Variants in PLSCR3 observed in about 807,000 individuals in gnomAD.
PLSCR3 encodes the protein phospholipid scramblase 3, also known as PL scramblase 3.
A neutral mutation model predicts 33.7 loss-of-function variants in PLSCR3; 17 were observed. The ratio of observed to expected loss-of-function variants is 0.50; its 90% CI spans 0.35 to 0.76. The LOEUF (loss-of-function observed/expected upper bound fraction) is 0.76. PLSCR3 is among the 30% of genes least tolerant of loss of function. PLSCR3 has a pLI of 0.01. For synonymous variants in PLSCR3, 166 were observed against 166.0 expected (o/e 1.00, Z 0.00); for missense variants, 360 against 394.1 (o/e 0.91, Z 0.73).
Position 7,392,854 on chromosome 17 carries a change from C to G in PLSCR3, c.606G>C (p.Gln202His). ...AGGGCCCCACCACTCGCAAGACTGT[C>G]TGGCGATCGGCATCCTGGATGGAGA... ...PKFSIQDADR[Q>H]TVLRVVGPCW... is the part of the protein sequence containing the mutation. The change falls in exon 6 of 8, where the codon CAG becomes CAC. Residue 202 changes from glutamine (Q) to histidine (H), a missense_variant. By Grantham distance (24) the Gln-to-His change is conservative. Coordinates refer to ENST00000619711, the MANE Select transcript of PLSCR3 (RefSeq NM_020360.4). 1 of 1,614,114 alleles carries G rather than the reference C, an allele frequency of 6.2e-7. No individual in the cohort carries two copies. Among genetic ancestry groups the G allele is most frequent in the Non-Finnish European group, 8.5e-7 (1 of 1,180,022 alleles).
In PLSCR3 at chr17:7,394,489, G is replaced by C; in HGVS notation, c.-170C>G. On this transcript the variant is annotated 5_prime_UTR_variant, in exon 1 of 8. Transcript: ENST00000619711. This position sits in a 1 kb window ranked among gnomAD's most constrained non-coding sequence, Gnocchi z 5.3. Reference sequence around the variant, plus strand: ...TGCCCCCGCTCACCTGGAGCCCCCAGAAGAGCCCGGGTGCCTAGCACTCGG... The same window carrying C: ...TGCCCCCGCTCACCTGGAGCCCCCACAAGAGCCCGGGTGCCTAGCACTCGG... 1 of 189,284 alleles carries C rather than the reference G, an allele frequency of 5.3e-6. No individual in the cohort carries two copies. Among genetic ancestry groups the C allele is most frequent in the Non-Finnish European group, 1.1e-5 (1 of 92,054 alleles). 11.7% of individuals were successfully genotyped at this position (189,284 alleles called of 1,614,324 possible).
chr17:7,390,170 G>A lies in PLSCR3; in HGVS notation c.*215C>T. ...ATGCCTGTGTGCCGAGGGACTGCTG[G>A]GACAGTGGTGGGAGGTAGCAGGAGA... On this transcript the variant is annotated 3_prime_UTR_variant, in exon 8 of 8. Coordinates refer to ENST00000619711, the MANE Select transcript of PLSCR3 (RefSeq NM_020360.4). 1 of 519,254 alleles carries A rather than the reference G, an allele frequency of 1.9e-6. No individual in the cohort carries two copies. The highest frequency in any genetic ancestry group is 3.4e-6 in the Non-Finnish European group (1 of 291,504). 32.2% of individuals were successfully genotyped at this position (519,254 alleles called of 1,614,324 possible). A position where few individuals can be genotyped will look rare whatever the true frequency, so the allele number is the denominator to read the frequency against.
At chr17:7,392,371 C>T (rs2143210160) in intron 6 of PLSCR3, among the ~76,000 whole-genome samples, 1 of 152,260 alleles carries the variant, frequency 6.6e-6, no homozygotes, top group East Asian at 1.9e-4. Flanking sequence ...TTCGGAATGG[C>T]AGGGGCATTT....
rs573924933 is a variant in PLSCR3, at chr17:7,391,002, C to T, written c.670-207G>A. ...GGGGAAACTGAGGCACTCTAGATCA[C>T]GCTGAGTCTATACCCAAAATTAGGA... On this transcript the variant is annotated intron_variant, in intron 6 of 7. Coordinates refer to ENST00000619711, the MANE Select transcript of PLSCR3 (RefSeq NM_020360.4). This position sits in a 1 kb window ranked among gnomAD's most constrained non-coding sequence, Gnocchi z 4.1. Among the ~76,000 whole-genome samples, 12 of 152,282 alleles carry T rather than the reference C, an allele frequency of 7.9e-5. No homozygotes were observed. Among genetic ancestry groups the T allele is most frequent in the South Asian group, 2.1e-4 (1 of 4,830 alleles).
rs769844028 is a variant in PLSCR3, at chr17:7,393,651, G to A, written c.193C>T (p.Pro65Ser). The A allele has an allele frequency of 2.5e-6, 4 of 1,609,358 alleles. No homozygotes were observed. Among genetic ancestry groups the A allele is most frequent in the Admixed American group, 3.3e-5 (2 of 59,784 alleles). ...PGPVALGSAA[P>S]FLPLPGVPSG... The stretch of plus-strand genomic sequence containing the variant: ...GGCACCCCTGGCAGTGGCAAGAAGG[G>A]GGCAGCAGACCCCAAGGCCACGGGG... Residue 65 changes from proline (P) to serine (S), a missense_variant, in exon 3 of 8, where the codon CCC (proline) becomes TCC (serine). By Grantham distance (74) the Pro-to-Ser change is moderately conservative. Transcript: ENST00000619711.
In PLSCR3 at chr17:7,391,116, C is replaced by T. The variant is rs369544323; in HGVS notation, c.670-321G>A. 9.9e-5 allele frequency among the ~76,000 whole-genome samples: 15 copies of T among 152,160 alleles called. No individual in the cohort carries two copies. Among genetic ancestry groups the T allele is most frequent in the Admixed American group, 5.9e-4 (9 of 15,272 alleles). ...AGAAATGGAAGCATGACAATCCAAC[C>T]CCCTTAGGGTATGGCTGTTTGCTAG... On this transcript the variant is annotated intron_variant, in intron 6 of 7. Coordinates refer to ENST00000619711, the MANE Select transcript of PLSCR3 (RefSeq NM_020360.4). This position sits in a 1 kb window ranked among gnomAD's most constrained non-coding sequence, Gnocchi z 4.1.
At position 7,393,834 on chromosome 17, in the gene PLSCR3, A is replaced by T; in HGVS notation, c.10T>A (p.Tyr4Asn). MAGYLPPKGYAPSP... is the reference protein window; with the variant it reads MAGNLPPKGYAPSP... ...GGGGCGTAGCCTTTGGGGGGCAAGT[A>T]GCCTGTAAAGCGGTGGGAGCAGGAT... Residue 4 changes from tyrosine (Y) to asparagine (N), a missense_variant and splice_region_variant, in exon 3 of 8, where the codon TAC (tyrosine) becomes AAC (asparagine). Coordinates refer to ENST00000619711, the MANE Select transcript of PLSCR3 (RefSeq NM_020360.4). 6.8e-7 allele frequency: 1 copy of T among 1,474,754 alleles called. No homozygotes were observed. The highest frequency in any genetic ancestry group is 9.1e-7 in the Non-Finnish European group (1 of 1,102,276). 91.4% of individuals were successfully genotyped at this position (1,474,754 alleles called of 1,614,324 possible). A position where few individuals can be genotyped will look rare whatever the true frequency, so the allele number is the denominator to read the frequency against.
chr17:7,394,367 C>A lies in PLSCR3; in HGVS notation c.-157-100G>T, dbSNP rs1258580191. Reference sequence around the variant, plus strand: ...AGAACCGCCCCCTCCCTTTGTTCTCCCATCCTGCGGAGGAGGCTGTGGGCC... The same window carrying A: ...AGAACCGCCCCCTCCCTTTGTTCTCACATCCTGCGGAGGAGGCTGTGGGCC... On this transcript the variant is annotated intron_variant, in intron 1 of 7. Coordinates refer to ENST00000619711, the MANE Select transcript of PLSCR3 (RefSeq NM_020360.4). This position sits in a 1 kb window ranked among gnomAD's most constrained non-coding sequence, Gnocchi z 5.3. 4.1e-6 allele frequency: 2 copies of A among 483,048 alleles called. No homozygotes were observed. The highest frequency in any genetic ancestry group is 7.5e-6 in the Non-Finnish European group (2 of 268,000). 29.9% of individuals were successfully genotyped at this position (483,048 alleles called of 1,614,324 possible). A position where few individuals can be genotyped will look rare whatever the true frequency, so the allele number is the denominator to read the frequency against.
chr17:7,391,051 C>T lies in PLSCR3; in HGVS notation c.670-256G>A, dbSNP rs945557896. Among the ~76,000 whole-genome samples, 1 of 152,042 alleles carries T rather than the reference C, an allele frequency of 6.6e-6. No individual in the cohort carries two copies. The highest frequency in any genetic ancestry group is 2.4e-5 in the African/African-American group (1 of 41,382). ...GATTCAGACTCAGATCTGCTGCTAT[C>T]GAAAGGCGACGCATGACATAACTGA... is the stretch of plus-strand genomic sequence containing the variant. On this transcript the variant is annotated intron_variant, in intron 6 of 7. Coordinates refer to ENST00000619711, the MANE Select transcript of PLSCR3 (RefSeq NM_020360.4). This position sits in a 1 kb window ranked among gnomAD's most constrained non-coding sequence, Gnocchi z 4.1.
At chr17:7,393,985 G>A in intron 2 of PLSCR3, 119 bp downstream of exon 2, 2 of 1,261,232 alleles carry the variant, frequency 1.6e-6, no homozygotes, top group South Asian at 2.5e-5. Context: ...GAGGTTCCCC[G>A]GAAGGAAGGG....
In PLSCR3 at chr17:7,394,048, C is replaced by A; in HGVS notation, c.7+56G>T. 6.3e-7 allele frequency: 1 copy of A among 1,592,130 alleles called. No homozygotes were observed. The highest frequency in any genetic ancestry group is 8.6e-7 in the Non-Finnish European group (1 of 1,167,336). On this transcript the variant is annotated intron_variant, in intron 2 of 7. Transcript: ENST00000619711. The surrounding 1 kb of genome is among the most constrained non-coding windows in gnomAD (Gnocchi z 5.3). The stretch of plus-strand genomic sequence containing the variant: ...CATTCCGGGAGGATGTGTTCAAACC[C>A]GGCTCCCAAGTCCGTGGGGGGGATA...
Position 7,390,786 on chromosome 17 carries a change from G to C in PLSCR3, c.679C>G (p.Arg227Gly), listed in dbSNP as rs746126324. ...GTDTNFEVKT[R>G]DESRSVGRIS... is the part of the protein sequence containing the mutation. The stretch of plus-strand genomic sequence containing the variant: ...CGGCCCACACTGCGGGATTCATCCC[G>C]AGTCTTCACCTGTCATCAGGGAGGG... Residue 227 changes from arginine to glycine, a missense_variant, in exon 7 of 8, where the codon CGG becomes GGG. Arg to Gly is a moderately radical substitution (Grantham distance 125). Transcript: ENST00000619711. 2 of 1,613,962 alleles carry C rather than the reference G, an allele frequency of 1.2e-6. No homozygotes were observed. Among genetic ancestry groups the C allele is most frequent in the South Asian group, 1.1e-5 (1 of 91,080 alleles).
In PLSCR3 at chr17:7,389,972, C is replaced by G. The variant is rs1402575716; in HGVS notation, c.*413G>C. On this transcript the variant is annotated 3_prime_UTR_variant, in exon 8 of 8. Coordinates refer to ENST00000619711, the MANE Select transcript of PLSCR3 (RefSeq NM_020360.4). ...GCTGAACTAATTGGCCAAGCAGATG[C>G]TAGGCAGCGGCGGGGGGGCGGTGGC... is the stretch of plus-strand genomic sequence containing the variant. 6.0e-6 allele frequency: 1 copy of G among 165,384 alleles called. No individual in the cohort carries two copies. Among genetic ancestry groups the G allele is most frequent in the Non-Finnish European group, 1.3e-5 (1 of 76,058 alleles). 10.2% of individuals were successfully genotyped at this position (165,384 alleles called of 1,614,324 possible).
Position 7,390,742 on chromosome 17 carries a change from C to G in PLSCR3, c.723G>C (p.Gly241=), listed in dbSNP as rs750148653. The G allele has an allele frequency of 1.1e-5, 17 of 1,614,174 alleles. No individual in the cohort carries two copies. Among genetic ancestry groups the G allele is most frequent in the Non-Finnish European group, 1.4e-5 (17 of 1,180,040 alleles). Residue 241 remains glycine (G), a synonymous_variant, in exon 7 of 8, where the codon GGG becomes GGC. Coordinates refer to ENST00000619711, the MANE Select transcript of PLSCR3 (RefSeq NM_020360.4). The stretch of plus-strand genomic sequence containing the variant: ...CTGTGAGGGCTTCTCGGACCAGGCC[C>G]CCCCACTGCTTGCTGATGCGGCCCA... ...RSVGRISKQW[G]GLVREALTDA... is the part of the protein sequence containing the mutation.
In PLSCR3 at chr17:7,392,940, C is replaced by T. The variant is rs376079176; in HGVS notation, c.520G>A (p.Ala174Thr). 1.9e-6 allele frequency: 3 copies of T among 1,611,512 alleles called. No individual in the cohort carries two copies. The highest frequency in any genetic ancestry group is 2.5e-6 in the Non-Finnish European group (3 of 1,178,304). Residue 174 changes from alanine to threonine, a missense_variant, in exon 6 of 8, where the codon GCT becomes ACT. Coordinates refer to ENST00000619711, the MANE Select transcript of PLSCR3 (RefSeq NM_020360.4). ...PCGLQEMEVQ[A>T]PPGTTIGHVL... Reference sequence around the variant, plus strand: ...TGGCCAATGGTGGTGCCTGGTGGAGCCTGTACTTCCATCTGGGAGTGGGAA... The same window carrying T: ...TGGCCAATGGTGGTGCCTGGTGGAGTCTGTACTTCCATCTGGGAGTGGGAA...
rs1237630992 is a variant in PLSCR3 at position 7,390,673 on chromosome 17, C to G, written c.792G>C (p.Val264=). The change falls in exon 7 of 8, where the codon GTG becomes GTC. Residue 264 remains valine (V), a synonymous_variant. Transcript: ENST00000619711. The stretch of plus-strand genomic sequence containing the variant: ...CTCCCAGCAGCACAGCCTTCACCCT[C>G]ACATCCAGGTCCAGCGGGAACTGTA... ...FGLQFPLDLD[V]RVKAVLLGAT... The G allele has an allele frequency of 3.1e-6, 5 of 1,614,062 alleles. No individual in the cohort carries two copies. In the African/African-American group the frequency reaches 6.7e-5, roughly 22 times the overall value.
chr17:7,393,978 G>T (rs1203687431), intron 2 of PLSCR3, 126 bp downstream of exon 2: 5 of 1,220,194 alleles, frequency 4.1e-6, no homozygotes, highest in Non-Finnish European at 4.7e-6. Flanking sequence ...CAGGGTGGAG[G>T]TTCCCCGGAA....
At chr17:7,393,536 T>A in intron 3 of PLSCR3, 27 bp from the exon 4 acceptor site, 1 of 1,614,014 alleles carries the variant, frequency 6.2e-7, no homozygotes, top group East Asian at 2.2e-5. Flanking sequence ...GGCGCGCACA[T>A]CAGCTGGCCC....
Position 7,393,268 on chromosome 17 carries a change from C to CG in PLSCR3, c.382dup (p.Arg128ProfsTer21). 2 of 1,605,660 alleles carry CG rather than the reference C, an allele frequency of 1.2e-6. No individual in the cohort carries two copies. The highest frequency in any genetic ancestry group is 1.7e-6 in the Non-Finnish European group (2 of 1,179,158). On this transcript the variant is annotated frameshift_variant, in exon 5 of 8. Coordinates refer to ENST00000619711, the MANE Select transcript of PLSCR3 (RefSeq NM_020360.4). LOFTEE classifies it high-confidence loss of function. Reference sequence around the variant, plus strand: ...CGGCCGGCGGGCGCCACAGCACAGACGGGCGCAGCAGTTGCTCTCCTCGGC... The same window carrying CG: ...CGGCCGGCGGGCGCCACAGCACAGACGGGGCGCAGCAGTTGCTCTCCTCGGC...
Sources: gnomAD v4.1 joint callset for allele counts (sites outside exome capture counted in the v4.1 genomes callset) on GRCh38, gnomAD v4.1.1 for gene constraint, Gnocchi (gnomAD v3.1) non-coding constraint, MANE v1.5 for transcripts, NCBI Gene and HGNC (gene_info 2026-07-23, HGNC 2026-07-21) for gene names.